PRDM5: variants seen among roughly 807,000 people sequenced by gnomAD.
PRDM5 encodes PR/SET domain 5.
Under a neutral mutation model 81.2 loss-of-function variants are expected in PRDM5, and 56 were observed. That is an observed-to-expected ratio of 0.69 (90% CI 0.56 to 0.86). The LOEUF (loss-of-function observed/expected upper bound fraction) is 0.86, where lower values mean the gene tolerates loss of function less well. PRDM5 is among the 40% of genes least tolerant of loss of function. PRDM5 has a pLI of 0.00. For synonymous variants in PRDM5, 267 were observed against 256.4 expected, an observed-to-expected ratio of 1.04 and a Z score of -0.39; for missense variants, 697 against 770.1, an observed-to-expected ratio of 0.91 and a Z score of 1.12.
intron 13 of PRDM5, among the ~76,000 whole-genome samples, chr4:120,758,583 G>A (rs924838866): frequency 6.6e-6 from 1 of 152,122 alleles, no homozygotes; most frequent in Non-Finnish European, 1.5e-5. Context: ...GAAGCCAGGA[G>A]AGAGGCCTGG....
intron 9 of PRDM5, 38 bp from the exon 10 acceptor site, chr4:120,798,462 A>G (rs768658416): frequency 1.3e-6 from 2 of 1,542,376 alleles, no homozygotes; most frequent in East Asian, 4.5e-5. Context: ...TCATATCTAT[A>G]TAAAGGTAAA....
intron 14 of PRDM5, among the ~76,000 whole-genome samples, chr4:120,750,915 G>A (rs1304406024): frequency 6.6e-6 from 1 of 151,934 alleles, no homozygotes; most frequent in African/African-American, 2.4e-5. Flanking sequence ...GAAAAAGGTG[G>A]GCCACACAGA....
chr4:120,900,992 T>G (rs1765167603), intron 2 of PRDM5, among the ~76,000 whole-genome samples: 1 of 152,238 alleles, frequency 6.6e-6, no homozygotes, highest in South Asian at 2.1e-4. Flanking sequence ...CTATTTTAGG[T>G]ACATTAAGCA....
chr4:120,738,049 TA>T (rs1221532146), intron 14 of PRDM5, among the ~76,000 whole-genome samples: 2 of 152,190 alleles, frequency 1.3e-5, no homozygotes, highest in Non-Finnish European at 2.9e-5. Flanking sequence ...AAACAAATTA[TA>T]AAAATAAGTT....
chr4:120,921,797 T>C (rs999866045), intron 1 of PRDM5, among the ~76,000 whole-genome samples: 4 of 152,026 alleles, frequency 2.6e-5, no homozygotes, highest in African/African-American at 9.7e-5. Flanking sequence ...AACTGAGCAA[T>C]GTGCTTCCTC....
At chr4:120,881,630 C>T (rs1762852747) in intron 2 of PRDM5, among the ~76,000 whole-genome samples, 1 of 152,190 alleles carries the variant, frequency 6.6e-6, no homozygotes, top group Non-Finnish European at 1.5e-5. Context: ...TAAAACTCTA[C>T]ACCACAAGTT....
chr4:120,828,329 A>G (rs1002111444), intron 3 of PRDM5, among the ~76,000 whole-genome samples: 2 of 152,080 alleles, frequency 1.3e-5, no homozygotes, highest in African/African-American at 2.4e-5. Context: ...TCTGTCTCCA[A>G]TAGGAACTTC....
intron 8 of PRDM5, among the ~76,000 whole-genome samples, chr4:120,806,790 C>A (rs1192390470): frequency 2.6e-5 from 4 of 152,144 alleles, no homozygotes; most frequent in African/African-American, 9.7e-5. Context: ...TAGGCATGGG[C>A]AAGGACTTCA....
At chr4:120,756,311 A>G (rs1340217203) in intron 13 of PRDM5, among the ~76,000 whole-genome samples, 1 of 152,158 alleles carries the variant, frequency 6.6e-6, no homozygotes, top group Non-Finnish European at 1.5e-5. Context: ...AATTTGCGGT[A>G]TTTATCCTTT....
intron 14 of PRDM5, among the ~76,000 whole-genome samples, chr4:120,718,140 T>G (rs1299227780): frequency 6.6e-6 from 1 of 152,190 alleles, no homozygotes; most frequent in Non-Finnish European, 1.5e-5. Context: ...GTGAATGCAC[T>G]AGGGATACAC....
At chr4:120,808,080 A>C (rs1335052132) in intron 8 of PRDM5, among the ~76,000 whole-genome samples, 3 of 152,150 alleles carry the variant, frequency 2.0e-5, no homozygotes, top group Non-Finnish European at 4.4e-5. Flanking sequence ...CCAAAGAGTG[A>C]GCAGCAGCAA....
intron 2 of PRDM5, chr4:120,896,227 G>C (rs1764596890): frequency 6.6e-6 from 1 of 151,822 alleles, no homozygotes; most frequent in Non-Finnish European, 1.5e-5. Flanking sequence ...CTTCTAGACA[G>C]CTTTATTTTA....
At chr4:120,777,363 T>A in intron 12 of PRDM5, 82 bp from the exon 13 acceptor site, 1 of 1,593,230 alleles carries the variant, frequency 6.3e-7, no homozygotes, top group Non-Finnish European at 8.6e-7. Flanking sequence ...CAATAGTAAA[T>A]CCTTATTTTG....
intron 10 of PRDM5, among the ~76,000 whole-genome samples, chr4:120,795,601 A>C (rs964742235): frequency 1.1e-4 from 17 of 151,546 alleles, no homozygotes; most frequent in Admixed American, 9.2e-4. Context: ...AAAAAAAAAA[A>C]AACACCCCTT....
At chr4:120,902,318 C>T (rs4274874) in intron 2 of PRDM5, among the ~76,000 whole-genome samples, 143,461 of 152,316 alleles carry the variant, frequency 0.94, 67,604 homozygotes, top group Middle Eastern at 0.98. Flanking sequence ...AGAAAACGTA[C>T]TTGAATTGTG....
Position 120,880,113 on chromosome 4 carries a change from C to T in PRDM5, c.178-26573G>A, listed in dbSNP as rs370764385. Among the ~76,000 whole-genome samples the T allele has an allele frequency of 2.6e-5, 4 of 152,042 alleles. No individual in the cohort carries two copies. In the South Asian group the frequency reaches 6.2e-4, roughly 24 times the overall value. On this transcript the variant is annotated intron_variant, in intron 2 of 15. Transcript: ENST00000264808. ...ATAATAGGGGAAAATGGGGGTAACA[C>T]GAGGGTAGACATGGGAACTCTTCTG...
At chr4:120,868,476 C>T (rs184669) in intron 2 of PRDM5, among the ~76,000 whole-genome samples, 67,611 of 151,780 alleles carry the variant, frequency 0.45, 15,255 homozygotes, top group Non-Finnish European at 0.47. Flanking sequence ...TTCAGAGCCT[C>T]TTGGATTTCA....
intron 2 of PRDM5, among the ~76,000 whole-genome samples, chr4:120,857,955 G>A (rs549539630): frequency 2.0e-5 from 3 of 152,202 alleles, no homozygotes; most frequent in Admixed American, 2.0e-4. Context: ...GGCTCCAAGA[G>A]CAAAGCCAGT....
intron 3 of PRDM5, among the ~76,000 whole-genome samples, chr4:120,840,043 A>G (rs1423601709): frequency 6.6e-6 from 1 of 152,206 alleles, no homozygotes; most frequent in Non-Finnish European, 1.5e-5. Context: ...CAGGCATTTC[A>G]GAGCCTGCAA....
Sources: allele counts gnomAD v4.1 joint callset (sites outside exome capture counted in the v4.1 genomes callset), GRCh38; gene constraint gnomAD v4.1.1; transcripts MANE v1.5; gene names NCBI Gene and HGNC (gene_info 2026-07-23, HGNC 2026-07-21).